DCHS2: variants seen among roughly 807,000 people sequenced by gnomAD.
The protein encoded by DCHS2 is protocadherin-23.
A neutral mutation model predicts 182.4 loss-of-function variants in DCHS2; 142 were observed. The ratio of observed to expected loss-of-function variants is 0.78; its 90% CI spans 0.68 to 0.89. The LOEUF (loss-of-function observed/expected upper bound fraction) is 0.89. Among genes scored for constraint, DCHS2 ranks in the 40% least tolerant of loss-of-function variants. The pLI is 0.00. For synonymous variants in DCHS2, 1,740 were observed against 1,663.3 expected, an observed-to-expected ratio of 1.05 and a Z score of -1.12; for missense variants, 4,319 against 4,198.6, an observed-to-expected ratio of 1.03 and a Z score of -0.79.
Position 154,349,154 on chromosome 4 carries a change from G to C in DCHS2, c.2477-14050C>G, listed in dbSNP as rs760223520. 2.6e-5 allele frequency among the ~76,000 whole-genome samples: 4 copies of C among 151,962 alleles called. 1 individual carries two copies. The highest frequency in any genetic ancestry group is 7.3e-5 in the African/African-American group (3 of 41,228). ...CAATTCTAGAGTTGAGAAACACCTCGATGTGTTCCAGTGAGCTGAGCAGAA... is the reference window on the plus strand; with the variant it reads ...CAATTCTAGAGTTGAGAAACACCTCCATGTGTTCCAGTGAGCTGAGCAGAA... On this transcript the variant is annotated intron_variant, in intron 3 of 19. Transcript: ENST00000357232.
chr4:154,387,521 T>G (rs534659996), intron 1 of DCHS2, among the ~76,000 whole-genome samples: 323 of 151,254 alleles, frequency 2.1e-3, no homozygotes, highest in Non-Finnish European at 3.7e-3. Flanking sequence ...GATATTAACC[T>G]CAGACCAAAA....
Position 154,235,265 on chromosome 4 carries a change from C to T in DCHS2, c.9387G>A (p.Arg3129=). Residue 3129 remains arginine (R), a synonymous_variant, in exon 20 of 20, where the codon AGG becomes AGA. Coordinates refer to ENST00000357232, the MANE Select transcript of DCHS2 (RefSeq NM_001358235.2). ...CCCTCGGGATACCCGAGTCTGGCAC[C>T]CTGGACTCGTGGTCACTCAGAGCTG... ...SDSALSDHES[R]VPDSGIPRDS... 1 of 1,614,056 alleles carries T rather than the reference C, an allele frequency of 6.2e-7. No individual in the cohort carries two copies. Among genetic ancestry groups the T allele is most frequent in the Non-Finnish European group, 8.5e-7 (1 of 1,179,972 alleles).
Position 154,235,269 on chromosome 4 carries a change from G to C in DCHS2, c.9383C>G (p.Ser3128Cys). 1 of 1,614,046 alleles carries C rather than the reference G, an allele frequency of 6.2e-7. No individual in the cohort carries two copies. ...CGGGATACCCGAGTCTGGCACCCTG[G>C]ACTCGTGGTCACTCAGAGCTGAGTC... ...CSDSALSDHE[S>C]RVPDSGIPRD... Residue 3128 changes from serine (S) to cysteine (C), a missense_variant, in exon 20 of 20, where the codon TCC becomes TGC. Transcript: ENST00000357232.
intron 16 of DCHS2, among the ~76,000 whole-genome samples, chr4:154,247,917 C>T (rs985431192): frequency 3.3e-5 from 5 of 152,248 alleles, no homozygotes; most frequent in East Asian, 3.9e-4. Context: ...GGCCTGACCT[C>T]GGAGAGCTAT....
At chr4:154,455,890 G>C (rs1488615220) in intron 1 of DCHS2, among the ~76,000 whole-genome samples, 1 of 152,106 alleles carries the variant, frequency 6.6e-6, no homozygotes, top group Admixed American at 6.6e-5. Flanking sequence ...AGGAGTTCGA[G>C]CCCAGCCTGG....
chr4:154,454,457 T>C (rs1734679134), intron 1 of DCHS2, among the ~76,000 whole-genome samples: 1 of 152,246 alleles, frequency 6.6e-6, no homozygotes. Context: ...TTGCCCAGGC[T>C]AACAATCTAC....
intron 1 of DCHS2, among the ~76,000 whole-genome samples, chr4:154,473,677 T>C (rs1458206722): frequency 1.3e-5 from 2 of 152,080 alleles, no homozygotes. Context: ...GATTCTAGAA[T>C]GGGCAGGAGA....
At chr4:154,335,684 C>T (rs981059736) in intron 3 of DCHS2, among the ~76,000 whole-genome samples, 18 of 152,218 alleles carry the variant, frequency 1.2e-4, no homozygotes, top group Non-Finnish European at 2.2e-4. Context: ...TACACACACA[C>T]ACACACATAC....
In DCHS2 at chr4:154,391,148, TA is replaced by T. The variant is rs748386556; in HGVS notation, c.2053-13705del. The T allele has an allele frequency of 3.1e-6, 5 of 1,606,048 alleles. No individual in the cohort carries two copies. The South Asian group carries it at 5.5e-5, about 18-fold the overall frequency. ...ACTTATAAAAGCTGATACTTATTTT[TA>T]ATTTTTGTTCTTACCTCTGAGATTT... On this transcript the variant is annotated intron_variant, in intron 1 of 19. Coordinates refer to ENST00000357232, the MANE Select transcript of DCHS2 (RefSeq NM_001358235.2).
chr4:154,292,763 G>A (rs369717818), intron 13 of DCHS2, among the ~76,000 whole-genome samples: 1 of 152,134 alleles, frequency 6.6e-6, no homozygotes, highest in East Asian at 1.9e-4. Context: ...ACCAAGCCCA[G>A]GGACTCAGTG....
At chr4:154,330,463 C>CAGGCATA (rs1468027364) in intron 5 of DCHS2, among the ~76,000 whole-genome samples, 1 of 152,148 alleles carries the variant, frequency 6.6e-6, no homozygotes, top group East Asian at 1.9e-4. Context: ...CATGCAGACC[C>CAGGCATA]AGGCATAACA....
chr4:154,478,168 A>G (rs1735764117), intron 1 of DCHS2, among the ~76,000 whole-genome samples: 1 of 152,220 alleles, frequency 6.6e-6, no homozygotes, highest in Non-Finnish European at 1.5e-5. Context: ...CTCAAGAACA[A>G]TGTAATATAT....
intron 1 of DCHS2, among the ~76,000 whole-genome samples, chr4:154,481,389 G>A (rs956546076): frequency 5.3e-5 from 8 of 152,042 alleles, no homozygotes. Flanking sequence ...AGCATCCCAA[G>A]TAGCTGGGAC....
intron 1 of DCHS2, among the ~76,000 whole-genome samples, chr4:154,454,462 A>G (rs1734680261): frequency 6.6e-6 from 1 of 152,170 alleles, no homozygotes; most frequent in Non-Finnish European, 1.5e-5. Context: ...CAGGCTAACA[A>G]TCTACCTATT....
At chr4:154,407,484 T>C (rs576543698) in intron 1 of DCHS2, among the ~76,000 whole-genome samples, 5 of 152,314 alleles carry the variant, frequency 3.3e-5, no homozygotes, top group African/African-American at 1.2e-4. Flanking sequence ...AAGCTGAACA[T>C]ACACATAAAA....
At chr4:154,422,673 A>T (rs1733161294) in intron 1 of DCHS2, among the ~76,000 whole-genome samples, 1 of 152,206 alleles carries the variant, frequency 6.6e-6, no homozygotes, top group Non-Finnish European at 1.5e-5. Flanking sequence ...AAAGTCTTCT[A>T]TGTGACCTGG....
Position 154,366,421 on chromosome 4 carries a change from G to C in DCHS2, c.2265C>G (p.Ala755=). 6.2e-7 allele frequency: 1 copy of C among 1,613,466 alleles called. No individual in the cohort carries two copies. The highest frequency in any genetic ancestry group is 1.3e-5 in the African/African-American group (1 of 75,000). The part of the protein sequence containing the change: ...AKDGGGLSAQ[A]FVRVDLEDVN... ...CGTCCTCCAGGTCCACACGAACAAA[G>C]GCTTGGGCACTTAGCCCACCCTGGT... Residue 755 remains alanine, a synonymous_variant, in exon 3 of 20, where the codon GCC becomes GCG. Transcript: ENST00000357232.
At chr4:154,452,102 A>G (rs1424107132) in intron 1 of DCHS2, among the ~76,000 whole-genome samples, 1 of 152,218 alleles carries the variant, frequency 6.6e-6, no homozygotes, top group Non-Finnish European at 1.5e-5. Context: ...ACCACAACAT[A>G]AACACAAAAT....
intron 16 of DCHS2, among the ~76,000 whole-genome samples, chr4:154,252,644 C>T (rs6813606): frequency 0.96 from 146,095 of 151,574 alleles, 70,430 homozygotes; most frequent in East Asian, 1. Context: ...TGCAAATGAC[C>T]GGATCTCATT....
Sources: allele counts gnomAD v4.1 joint callset (sites outside exome capture counted in the v4.1 genomes callset), GRCh38; gene constraint gnomAD v4.1.1; transcripts MANE v1.5; gene names NCBI Gene and HGNC (gene_info 2026-07-23, HGNC 2026-07-21).